BAZ2B: variants seen among roughly 807,000 people sequenced by gnomAD.
BAZ2B encodes bromodomain adjacent to zinc finger domain protein 2B.
Under a neutral mutation model 246.0 loss-of-function variants are expected in BAZ2B, and 91 were observed. That is an observed-to-expected ratio of 0.37 (90% confidence interval 0.31 to 0.44). The LOEUF is 0.44. Ranked by LOEUF, BAZ2B falls within the 20% of genes least tolerant of loss-of-function variation. The pLI is 1.00. For missense variants in BAZ2B, 2,332 were observed against 2,533.7 expected, an observed-to-expected ratio of 0.92 and a Z score of 1.71; for synonymous variants, 855 against 860.0, an observed-to-expected ratio of 0.99 and a Z score of 0.10.
chr2:159,517,769 T>C (rs977380688), intron 2 of BAZ2B, among the ~76,000 whole-genome samples: 15 of 152,054 alleles, frequency 9.9e-5, no homozygotes, highest in Admixed American at 2.6e-4. Context: ...TCAGAACAGG[T>C]CTCATTACAT....
the BAZ2B span, among the ~76,000 whole-genome samples, chr2:159,654,453 C>A: frequency 6.6e-6 from 1 of 151,992 alleles, no homozygotes; most frequent in Non-Finnish European, 1.5e-5. Flanking sequence ...AAAAAAACCC[C>A]AAGAAGGGCC....
rs2071461537 is a variant in BAZ2B at position 159,433,142 on chromosome 2, AGC to A, written c.1513_1514del (p.Ala505SerfsTer9). On this transcript the variant is annotated frameshift_variant, in exon 9 of 37. Coordinates refer to ENST00000392783, the MANE Select transcript of BAZ2B (RefSeq NM_013450.4). LOFTEE classifies it high-confidence loss of function. ...NGVIQSVIQE[A>X]PLALTTKTKM... ...TAGTTTTGGTAGTAAGTGCTAGAGG[AGC>A]TTCTTGAATGACACTTTGAATAACT... The A allele has an allele frequency of 1.2e-6, 2 of 1,614,098 alleles. No individual in the cohort carries two copies. Among genetic ancestry groups the A allele is most frequent in the Non-Finnish European group, 1.7e-6 (2 of 1,180,038 alleles).
At chr2:159,598,275 A>AGCCACT (rs1691248211) in intron 1 of BAZ2B, among the ~76,000 whole-genome samples, 1 of 152,140 alleles carries the variant, frequency 6.6e-6, no homozygotes, top group Non-Finnish European at 1.5e-5. Context: ...TACAGGCGTG[A>AGCCACT]GCCACTACGC....
At chr2:159,530,753 T>C (rs1324512152) in intron 2 of BAZ2B, among the ~76,000 whole-genome samples, 1 of 152,132 alleles carries the variant, frequency 6.6e-6, no homozygotes, top group East Asian at 1.9e-4. Flanking sequence ...GTGGATCACT[T>C]GAGATCAGGA....
At chr2:159,703,030 C>A in the BAZ2B span, among the ~76,000 whole-genome samples, 405 of 151,210 alleles carry the variant, frequency 2.7e-3, 2 homozygotes, top group African/African-American at 9.3e-3. Context: ...GGCTACAGAG[C>A]AAGACTCCGT....
chr2:159,688,792 CT>C, the BAZ2B span, among the ~76,000 whole-genome samples: 2 of 152,066 alleles, frequency 1.3e-5, no homozygotes, highest in African/African-American at 4.8e-5. Context: ...TGAAATGTCC[CT>C]CAATTTGGGC....
the BAZ2B span, among the ~76,000 whole-genome samples, chr2:159,662,509 T>C: frequency 6.6e-6 from 1 of 152,134 alleles, no homozygotes; most frequent in African/African-American, 2.4e-5. Context: ...TCTTGTTTTT[T>C]ACTTTTGTTT....
chr2:159,383,893 CATTAGT>C (rs2062304262), intron 23 of BAZ2B, among the ~76,000 whole-genome samples: 3 of 151,970 alleles, frequency 2.0e-5, no homozygotes, highest in African/African-American at 7.2e-5. Flanking sequence ...ATGGATACAA[CATTAGT>C]ATTAGAAAAT....
intron 6 of BAZ2B, among the ~76,000 whole-genome samples, chr2:159,442,765 C>T (rs1181166688): frequency 6.6e-6 from 1 of 152,152 alleles, no homozygotes; most frequent in African/African-American, 2.4e-5. Context: ...CAGTATTTGT[C>T]CTTTTGCATC....
intron 2 of BAZ2B, among the ~76,000 whole-genome samples, chr2:159,485,506 T>TA (rs1559586239): frequency 6.6e-6 from 1 of 152,142 alleles, no homozygotes. Flanking sequence ...ATTTTACCAC[T>TA]ATAAACAAAC....
chr2:159,495,792 CAG>C (rs35302104), intron 2 of BAZ2B, among the ~76,000 whole-genome samples: 43,445 of 147,722 alleles, frequency 0.29, 6,480 homozygotes, highest in South Asian at 0.35. Flanking sequence ...TTTTTTGAGA[CAG>C]AGTCTCGCTC....
At chr2:159,336,412 A>G (rs564246922) in intron 33 of BAZ2B, among the ~76,000 whole-genome samples, 2 of 152,344 alleles carry the variant, frequency 1.3e-5, no homozygotes, top group South Asian at 2.1e-4. Context: ...TGGAAAACCA[A>G]TTTTAATTAG....
chr2:159,561,667 T>C (rs1421526304), intron 1 of BAZ2B, among the ~76,000 whole-genome samples: 2 of 152,340 alleles, frequency 1.3e-5, no homozygotes, highest in Middle Eastern at 3.4e-3. Context: ...ATGCTACTAC[T>C]ATGTATTTCA....
At chr2:159,381,899 T>G (rs567588163) in intron 25 of BAZ2B, among the ~76,000 whole-genome samples, 27 of 152,272 alleles carry the variant, frequency 1.8e-4, no homozygotes, top group African/African-American at 6.5e-4. Context: ...CCCTAGACCT[T>G]TACCCAGGTT....
At chr2:159,598,591 T>C (rs1337355523) in intron 1 of BAZ2B, among the ~76,000 whole-genome samples, 1 of 151,442 alleles carries the variant, frequency 6.6e-6, no homozygotes, top group East Asian at 1.9e-4. Flanking sequence ...GGCTCACACC[T>C]GTAATCCCAA....
At chr2:159,449,632 ATTC>A (rs766699218) in intron 4 of BAZ2B, among the ~76,000 whole-genome samples, 15 of 152,202 alleles carry the variant, frequency 9.9e-5, no homozygotes, top group Non-Finnish European at 1.5e-4. Flanking sequence ...TGCAAAAGCT[ATTC>A]TTCTGCACTG....
At chr2:159,354,038 A>G (rs1164234861) in intron 27 of BAZ2B, among the ~76,000 whole-genome samples, 1 of 152,204 alleles carries the variant, frequency 6.6e-6, no homozygotes. Flanking sequence ...TTTTACCTCC[A>G]GTTAGGGACA....
the BAZ2B span, among the ~76,000 whole-genome samples, chr2:159,697,258 G>C: frequency 1.3e-5 from 2 of 151,920 alleles, no homozygotes; most frequent in African/African-American, 2.4e-5. Flanking sequence ...TAATGGTCTG[G>C]GATATGTCTA....
At position 159,352,130 on chromosome 2, in the gene BAZ2B, T is replaced by A. The variant is rs182087207; in HGVS notation, c.4214-1773A>T. Among the ~76,000 whole-genome samples, 175 of 152,352 alleles carry A rather than the reference T, an allele frequency of 1.1e-3. 1 individual carries two copies. The highest frequency in any genetic ancestry group is 1.5e-3 in the Non-Finnish European group (101 of 68,024). ...TTCCACCACCTCTGCACCACTCTTG[T>A]CCTTGATAACTCTGCTCCTCTTCTC... On this transcript the variant is annotated intron_variant, in intron 27 of 36. Transcript: ENST00000392783.
Sources: allele counts gnomAD v4.1 joint callset (sites outside exome capture counted in the v4.1 genomes callset), GRCh38; gene constraint gnomAD v4.1.1; transcripts MANE v1.5; gene names NCBI Gene and HGNC (gene_info 2026-07-23, HGNC 2026-07-21).